The following PSD3 variants were observed in gnomAD, a reference collection of about 807,000 sequenced individuals.
The protein encoded by PSD3 is pleckstrin and Sec7 domain containing 3.
A neutral mutation model predicts 105.5 loss-of-function variants in PSD3; 49 were observed. The observed-to-expected ratio is 0.46, with a 90% CI of 0.37 to 0.59. PSD3 has a LOEUF of 0.59. Ranked by LOEUF, PSD3 falls within the 20% of genes least tolerant of loss-of-function variation. The probability of loss-of-function intolerance (pLI) is 0.00; values close to 1 mark genes in which losing one functional copy is unlikely to be tolerated. For missense variants in PSD3, 1,561 were observed against 1,263.8 expected (o/e 1.24, Z -3.57); for synonymous variants, 557 against 457.8 (o/e 1.22, Z -2.77).
chr8:18,728,695 G>T (rs747806895), intron 9 of PSD3, among the ~76,000 whole-genome samples: 1 of 152,212 alleles, frequency 6.6e-6, no homozygotes, highest in Non-Finnish European at 1.5e-5. Context: ...AGCTAAAAAT[G>T]TGAGTTATGT....
At chr8:18,789,732 T>A (rs137928537) in intron 8 of PSD3, among the ~76,000 whole-genome samples, 215 of 152,322 alleles carry the variant, frequency 1.4e-3, no homozygotes, top group African/African-American at 4.8e-3. Flanking sequence ...GTAGCAGGAC[T>A]GGCATTAAAG....
intron 1 of PSD3, among the ~76,000 whole-genome samples, chr8:19,063,485 C>A (rs181292163): frequency 1.7e-3 from 260 of 152,298 alleles, no homozygotes; most frequent in African/African-American, 6.1e-3. Context: ...CTATCACGGA[C>A]TGGCCCTCTG....
intron 4 of PSD3, among the ~76,000 whole-genome samples, chr8:18,822,875 A>G (rs1812857581): frequency 6.6e-6 from 1 of 152,206 alleles, no homozygotes; most frequent in African/African-American, 2.4e-5. Context: ...TTTAAAGTTT[A>G]CAGCACAAGA....
rs543747043 is a variant in PSD3, at chr8:18,907,677, C to G, written c.130+28357G>C. On this transcript the variant is annotated intron_variant, in intron 2 of 15. Transcript: ENST00000327040. ...CATATAATCTAGGTTTCTGCAAGTA[C>G]ACTCTGGTGTTCAAACAAGGGCGAA... Among the ~76,000 whole-genome samples, 9 of 152,306 alleles carry G rather than the reference C, an allele frequency of 5.9e-5. No homozygotes were observed. The South Asian group carries it at 1.7e-3, about 28-fold the overall frequency.
intron 9 of PSD3, among the ~76,000 whole-genome samples, chr8:18,716,916 G>T (rs1363536353): frequency 2.6e-5 from 4 of 152,122 alleles, no homozygotes; most frequent in South Asian, 2.1e-4. Flanking sequence ...CCTTCTCTAA[G>T]ACCAAGAGGA....
chr8:18,754,592 A>G (rs1585848599), intron 9 of PSD3, among the ~76,000 whole-genome samples: 1 of 152,136 alleles, frequency 6.6e-6, no homozygotes, highest in African/African-American at 2.4e-5. Flanking sequence ...GGGGAGGATC[A>G]GGTCAAAAAT....
At chr8:18,821,872 C>CCACACACA (rs5889830) in intron 4 of PSD3, among the ~76,000 whole-genome samples, 1 of 137,398 alleles carries the variant, frequency 7.3e-6, no homozygotes, top group Non-Finnish European at 1.5e-5. Flanking sequence ...TGCACACACA[C>CCACACACA]CACACACACA....
intron 10 of PSD3, among the ~76,000 whole-genome samples, chr8:18,639,022 T>C (rs1807462158): frequency 6.6e-6 from 1 of 152,138 alleles, no homozygotes; most frequent in Non-Finnish European, 1.5e-5. Context: ...CAGTCTGAAA[T>C]CCAAACTATG....
intron 15 of PSD3, among the ~76,000 whole-genome samples, chr8:18,542,451 AC>A (rs1800206085): frequency 6.6e-6 from 1 of 152,196 alleles, no homozygotes; most frequent in African/African-American, 2.4e-5. Context: ...TTGGTACTAA[AC>A]AAATAATAAC....
At chr8:18,623,022 A>G (rs1161776900) in intron 11 of PSD3, among the ~76,000 whole-genome samples, 1 of 152,228 alleles carries the variant, frequency 6.6e-6, no homozygotes, top group Admixed American at 6.5e-5. Context: ...GATGGCGATC[A>G]CAAAGTCATT....
At chr8:18,600,475 G>T (rs746270276) in intron 11 of PSD3, 41 bp from the exon 12 acceptor site, 6 of 1,436,908 alleles carry the variant, frequency 4.2e-6, no homozygotes, top group Non-Finnish European at 3.9e-6. Context: ...TTTGACATCA[G>T]CATTTTAGAA....
chr8:18,737,072 T>C (rs953160439), intron 9 of PSD3, among the ~76,000 whole-genome samples: 1 of 152,216 alleles, frequency 6.6e-6, no homozygotes, highest in Non-Finnish European at 1.5e-5. Context: ...TCCATTGGAA[T>C]CACCTGGGGA....
intron 1 of PSD3, among the ~76,000 whole-genome samples, chr8:18,991,130 G>C (rs537189389): frequency 9.2e-5 from 14 of 152,162 alleles, no homozygotes; most frequent in African/African-American, 3.4e-4. Flanking sequence ...GTTTTACATA[G>C]GGTCTCTCCC....
intron 4 of PSD3, among the ~76,000 whole-genome samples, chr8:18,818,675 CT>C (rs1812427688): frequency 1.4e-5 from 2 of 145,740 alleles, no homozygotes; most frequent in Non-Finnish European, 3.0e-5. Flanking sequence ...GAATAATGTC[CT>C]CTCCATACCC....
intron 9 of PSD3, among the ~76,000 whole-genome samples, chr8:18,735,332 A>G (rs13439396): frequency 0.15 from 22,316 of 152,148 alleles, 2,992 homozygotes; most frequent in African/African-American, 0.36. Flanking sequence ...AGAGATAACT[A>G]TGTTGAATCA....
intron 2 of PSD3, among the ~76,000 whole-genome samples, chr8:18,906,495 T>A (rs1819857248): frequency 6.6e-6 from 1 of 152,140 alleles, no homozygotes; most frequent in Non-Finnish European, 1.5e-5. Flanking sequence ...ACTTAAAGAT[T>A]TCAATTTCAT....
At chr8:18,594,330 T>TATATATA (rs1803917387) in intron 12 of PSD3, among the ~76,000 whole-genome samples, 1 of 34,998 alleles carries the variant, frequency 2.9e-5, no homozygotes, top group African/African-American at 7.2e-5. Context: ...TAATATATAT[T>TATATATA]ATAATATATA....
chr8:19,041,663 C>G (rs1344867608), intron 1 of PSD3, among the ~76,000 whole-genome samples: 1 of 152,200 alleles, frequency 6.6e-6, no homozygotes, highest in African/African-American at 2.4e-5. Context: ...CAATATGTAT[C>G]AGGTAAACAC....
intron 1 of PSD3, among the ~76,000 whole-genome samples, chr8:18,997,117 G>T (rs546787380): frequency 6.6e-6 from 1 of 151,562 alleles, no homozygotes; most frequent in Admixed American, 6.6e-5. Context: ...ATTGACATTC[G>T]CTCCCTGTGG....
Sources: gnomAD v4.1 joint callset for allele counts (sites outside exome capture counted in the v4.1 genomes callset) on GRCh38, gnomAD v4.1.1 for gene constraint, MANE v1.5 for transcripts, NCBI Gene and HGNC (gene_info 2026-07-23, HGNC 2026-07-21) for gene names.